EXT2: variants seen among roughly 807,000 people sequenced by gnomAD.
The protein encoded by EXT2 is exostosin-2.
EXT2 carries 53 observed loss-of-function variants against 81.6 expected under a neutral mutation model. The ratio of observed to expected loss-of-function variants is 0.65; its 90% CI spans 0.52 to 0.82. The LOEUF (loss-of-function observed/expected upper bound fraction) is 0.82, where lower values mean the gene tolerates loss of function less well. EXT2 is among the 40% of genes least tolerant of loss of function. The pLI is 0.00. For synonymous variants in EXT2, 320 were observed against 340.0 expected (o/e 0.94, Z 0.65); for missense variants, 774 against 910.2 (o/e 0.85, Z 1.93).
In EXT2 at chr11:44,130,056, T is replaced by C; in HGVS notation, c.1091T>C (p.Val364Ala). The change falls in exon 7 of 14, where the codon GTT (valine) becomes GCT (alanine). Residue 364 changes from valine (V) to alanine (A), a missense_variant. Physicochemically the swap from Val to Ala is moderately conservative, Grantham distance 64. Coordinates refer to ENST00000533608, the MANE Select transcript of EXT2 (RefSeq NM_207122.2). ...GCTGTTGTCTCCAGAGCATCTGTGG[T>C]TGTACCAGAAGAAAAGATGTCAGAT... ...EVLDWKRASV[V>A]VPEEKMSDVY... 1 of 1,614,048 alleles carries C rather than the reference T, an allele frequency of 6.2e-7. No individual in the cohort carries two copies. Among genetic ancestry groups the C allele is most frequent in the South Asian group, 1.1e-5 (1 of 91,078 alleles).
intron 7 of EXT2, among the ~76,000 whole-genome samples, chr11:44,152,867 C>A (rs1954811124): frequency 6.6e-6 from 1 of 152,164 alleles, no homozygotes; most frequent in African/African-American, 2.4e-5. Context: ...TCTGGGCTCT[C>A]TATTCTGTTC....
At chr11:44,243,917 C>T (rs1489546128) in intron 13 of EXT2, among the ~76,000 whole-genome samples, 2 of 152,146 alleles carry the variant, frequency 1.3e-5, no homozygotes, top group Non-Finnish European at 2.9e-5. Context: ...CACGTTCTCC[C>T]ACTGAACTAA....
intron 7 of EXT2, among the ~76,000 whole-genome samples, chr11:44,169,183 G>T (rs1287962253): frequency 2.6e-5 from 4 of 151,982 alleles, no homozygotes; most frequent in Non-Finnish European, 2.9e-5. Context: ...TCGCGCCACT[G>T]CACTCCAGCC....
At chr11:44,113,209 T>G (rs1954171307) in intron 3 of EXT2, among the ~76,000 whole-genome samples, 1 of 152,202 alleles carries the variant, frequency 6.6e-6, no homozygotes, top group African/African-American at 2.4e-5. Context: ...TTTGAAAATC[T>G]TTGAACCTAA....
At position 44,248,170 on chromosome 11, in the gene EXT2, G is replaced by A. The variant is rs182420153; in HGVS notation, c.*3883G>A. On this transcript the variant is annotated 3_prime_UTR_variant, in exon 14 of 14. Coordinates refer to ENST00000533608, the MANE Select transcript of EXT2 (RefSeq NM_207122.2). ...CTGCTTTTTCCATTTCTCTTGGCTC[G>A]GGTACTCTTCCATTGCAGCAAGAGA... is the stretch of plus-strand genomic sequence containing the variant. Among the ~76,000 whole-genome samples, 13 of 152,176 alleles carry A rather than the reference G, an allele frequency of 8.5e-5. No homozygotes were observed. Among genetic ancestry groups the A allele is most frequent in the African/African-American group, 2.9e-4 (12 of 41,516 alleles).
chr11:44,224,105 C>T (rs1344515019), intron 10 of EXT2, among the ~76,000 whole-genome samples: 1 of 152,156 alleles, frequency 6.6e-6, no homozygotes, highest in Non-Finnish European at 1.5e-5. Flanking sequence ...TACAGGCTCT[C>T]TGCATTATTT....
chr11:44,201,328 G>T (rs984124256), intron 9 of EXT2, among the ~76,000 whole-genome samples: 1 of 152,116 alleles, frequency 6.6e-6, no homozygotes, highest in East Asian at 1.9e-4. Flanking sequence ...GAAGTTCATA[G>T]GACTTCACAA....
In EXT2 at chr11:44,234,814, CATT is replaced by C. The variant is rs147076808; in HGVS notation, c.1935+572_1935+574del. On this transcript the variant is annotated intron_variant, in intron 12 of 13. Coordinates refer to ENST00000533608, the MANE Select transcript of EXT2 (RefSeq NM_207122.2). ...TGCCTGTTTATTCCTGAAATTTAGACATTGCTCAAATAAGATCCCTAGATATGT... is the reference window on the plus strand; with the variant it reads ...TGCCTGTTTATTCCTGAAATTTAGACGCTCAAATAAGATCCCTAGATATGT... Among the ~76,000 whole-genome samples, 838 of 152,228 alleles carry C rather than the reference CATT, an allele frequency of 5.5e-3. 14 individuals carry two copies. The highest frequency in any genetic ancestry group is 0.019 in the African/African-American group (793 of 41,512).
chr11:44,201,338 A>G (rs1202972928), intron 9 of EXT2, among the ~76,000 whole-genome samples: 1 of 152,262 alleles, frequency 6.6e-6, no homozygotes, highest in Non-Finnish European at 1.5e-5. Context: ...GGACTTCACA[A>G]GAATCCATTT....
intron 8 of EXT2, among the ~76,000 whole-genome samples, chr11:44,190,684 TGAAA>T (rs1221844534): frequency 6.6e-6 from 1 of 152,262 alleles, no homozygotes; most frequent in Non-Finnish European, 1.5e-5. Flanking sequence ...TGGTTTAGGC[TGAAA>T]GAGTCTTTTA....
rs1449762239 is a variant in EXT2, at chr11:44,124,976, G to A, written c.931G>A (p.Val311Met). The stretch of plus-strand genomic sequence containing the variant: ...GCACCAGGTCTTCGATTACCCACAG[G>A]TGCTACAGGTGAGTGTCATTCATTA... ...HKHQVFDYPQ[V>M]LQEATFCVVL... is the part of the protein sequence containing the mutation. The change falls in exon 5 of 14, where the codon GTG becomes ATG. Residue 311 changes from valine to methionine, a missense_variant. By Grantham distance (21) the Val-to-Met change is conservative. Around this residue, in one of 2 missense-constraint regions of EXT2, gnomAD observed 626 missense variants for 670.5 expected, o/e 0.93. Coordinates refer to ENST00000533608, the MANE Select transcript of EXT2 (RefSeq NM_207122.2). 1 of 1,612,696 alleles carries A rather than the reference G, an allele frequency of 6.2e-7. No homozygotes were observed.
At chr11:44,187,398 A>G (rs2135162475) in intron 8 of EXT2, among the ~76,000 whole-genome samples, 1 of 149,748 alleles carries the variant, frequency 6.7e-6, no homozygotes, top group Non-Finnish European at 1.5e-5. Flanking sequence ...CTGATGTTGA[A>G]CTCCTGGCCT....
At chr11:44,193,738 C>T (rs370304875) in intron 8 of EXT2, among the ~76,000 whole-genome samples, 33 of 152,260 alleles carry the variant, frequency 2.2e-4, no homozygotes, top group Admixed American at 3.9e-4. Context: ...TTTTAAGGGA[C>T]GGTATTGGCA....
chr11:44,176,333 A>G (rs1451791872), intron 8 of EXT2, among the ~76,000 whole-genome samples: 3 of 152,190 alleles, frequency 2.0e-5, no homozygotes, highest in Non-Finnish European at 4.4e-5. Context: ...TAGAATATGA[A>G]ATTTTGCAGT....
chr11:44,105,339 C>A (rs936987651), intron 1 of EXT2, among the ~76,000 whole-genome samples: 1 of 152,190 alleles, frequency 6.6e-6, no homozygotes, highest in Non-Finnish European at 1.5e-5. Flanking sequence ...ATTGCCCAGG[C>A]TGGAGTGCAG....
intron 8 of EXT2, among the ~76,000 whole-genome samples, chr11:44,182,320 A>G (rs1417821081): frequency 1.3e-5 from 2 of 152,092 alleles, no homozygotes; most frequent in Admixed American, 1.3e-4. Context: ...TCTTGAGACC[A>G]ACTGTTCCTT....
chr11:44,244,118 C>T (rs372280718), intron 13 of EXT2, 31 bp from the exon 14 acceptor site: 44 of 1,612,148 alleles, frequency 2.7e-5, no homozygotes, highest in Non-Finnish European at 2.8e-5. Flanking sequence ...GCTCAAACCC[C>T]TCCTCCCCAC....
At chr11:44,177,620 G>A (rs1204944809) in intron 8 of EXT2, among the ~76,000 whole-genome samples, 4 of 152,312 alleles carry the variant, frequency 2.6e-5, no homozygotes, top group East Asian at 1.9e-4. Flanking sequence ...TGAAAATTAT[G>A]TAGAGTGGAG....
intron 7 of EXT2, among the ~76,000 whole-genome samples, chr11:44,156,078 A>G (rs999795662): frequency 2.6e-5 from 4 of 152,222 alleles, no homozygotes; most frequent in Admixed American, 1.3e-4. Flanking sequence ...GTTTCCACTG[A>G]AAAGTCTGCT....
Sources: gnomAD v4.1 joint callset for allele counts (sites outside exome capture counted in the v4.1 genomes callset) on GRCh38, gnomAD v4.1.1 for gene constraint, gnomAD v4.1.1 regional missense constraint, MANE v1.5 for transcripts, NCBI Gene and HGNC (gene_info 2026-07-23, HGNC 2026-07-21) for gene names.